FOXP1: variants seen among roughly 807,000 people sequenced by gnomAD.
FOXP1 encodes forkhead box P1, also known as forkhead box protein P1.
In FOXP1, 15 loss-of-function variants were observed where a neutral mutation model predicts 98.2. The ratio of observed to expected loss-of-function variants is 0.15; its 90% CI spans 0.10 to 0.24. The LOEUF is 0.24. FOXP1 is among the 10% of genes least tolerant of loss of function. The probability of loss-of-function intolerance (pLI) is 1.00; values close to 1 mark genes in which losing one functional copy is unlikely to be tolerated. For missense variants in FOXP1, 633 were observed against 848.5 expected (o/e 0.75, Z 3.15); for synonymous variants, 371 against 314.5 (o/e 1.18, Z -1.90).
intron 2 of FOXP1, among the ~76,000 whole-genome samples, chr3:71,539,401 G>A (rs553153249): frequency 1.5e-4 from 22 of 150,504 alleles, no homozygotes; most frequent in African/African-American, 4.9e-4. Flanking sequence ...GATTACAGGC[G>A]TGAGCCGCCG....
intron 3 of FOXP1, among the ~76,000 whole-genome samples, chr3:71,439,845 C>T (rs1048803669): frequency 6.6e-6 from 1 of 151,302 alleles, no homozygotes; most frequent in African/African-American, 2.4e-5. Flanking sequence ...ACTTGGGAGG[C>T]TGAGGCAGGA....
Position 71,000,794 on chromosome 3 carries a change from AAAAAT to A in FOXP1, c.1062+173_1062+177del, listed in dbSNP as rs59993750. ...GGGGCTGAACCTGCCCAAAGAGGTA[AAAAAT>A]AAAATAAAATAAAATAAAATAAAAT... is the stretch of plus-strand genomic sequence containing the variant. On this transcript the variant is annotated intron_variant, in intron 13 of 20. Transcript: ENST00000649528. 0.013 allele frequency among the ~76,000 whole-genome samples: 1,610 copies of A among 122,152 alleles called. 14 individuals carry two copies. The highest frequency in any genetic ancestry group is 0.031 in the African/African-American group (940 of 29,844). The allele number at this position is 122,152 out of a possible 152,430, so 80.1% of individuals were successfully genotyped here.
At chr3:70,982,153 T>G (rs996394243) in intron 14 of FOXP1, among the ~76,000 whole-genome samples, 1 of 152,096 alleles carries the variant, frequency 6.6e-6, no homozygotes, top group African/African-American at 2.4e-5. Flanking sequence ...AAGGCCTCTT[T>G]GAAAAAAGAG....
intron 3 of FOXP1, among the ~76,000 whole-genome samples, chr3:71,415,583 G>A (rs973675956): frequency 3.9e-5 from 6 of 152,100 alleles, no homozygotes; most frequent in East Asian, 3.8e-4. Context: ...TGGCTTTAAC[G>A]GCACAGGACA....
At chr3:71,258,026 C>G (rs1452706575) in intron 5 of FOXP1, among the ~76,000 whole-genome samples, 1 of 152,180 alleles carries the variant, frequency 6.6e-6, no homozygotes, top group Non-Finnish European at 1.5e-5. Flanking sequence ...GTTATTACTG[C>G]GCTTAATAAC....
At chr3:71,119,157 T>C (rs1286478228) in intron 6 of FOXP1, among the ~76,000 whole-genome samples, 1 of 152,226 alleles carries the variant, frequency 6.6e-6, no homozygotes, top group Admixed American at 6.5e-5. Context: ...GAAAAGGAAA[T>C]ACATCCATGT....
chr3:71,032,836 T>C (rs896506985), intron 11 of FOXP1, among the ~76,000 whole-genome samples: 1 of 152,348 alleles, frequency 6.6e-6, no homozygotes, highest in Admixed American at 6.5e-5. Flanking sequence ...AGCTGTCATT[T>C]ATTATAAGAA....
At chr3:71,033,602 C>CAAAAAAAAAAAAAAAA (rs35470748) in intron 11 of FOXP1, among the ~76,000 whole-genome samples, 10 of 70,688 alleles carry the variant, frequency 1.4e-4, no homozygotes, top group Non-Finnish European at 2.2e-4. Flanking sequence ...AGTGAACAGT[C>CAAAAAAAAAAAAAAAA]AAAAAAAAAA....
At chr3:70,972,441 A>C in intron 18 of FOXP1, 114 bp downstream of exon 18, 2 of 1,467,470 alleles carry the variant, frequency 1.4e-6, no homozygotes, top group East Asian at 4.5e-5. Context: ...CCCTTAACTG[A>C]GACAACGTGA....
intron 4 of FOXP1, chr3:71,302,869 C>T (rs899892255): frequency 2.0e-5 from 3 of 152,174 alleles, no homozygotes; most frequent in Non-Finnish European, 4.4e-5. Context: ...GGGTGAGACA[C>T]TAAATGTACA....
chr3:71,254,450 C>A (rs1410377092), intron 5 of FOXP1, among the ~76,000 whole-genome samples: 1 of 152,150 alleles, frequency 6.6e-6, no homozygotes, highest in Non-Finnish European at 1.5e-5. Flanking sequence ...GTTGGCTGGC[C>A]TCAAAGAGCT....
chr3:70,986,861 T>G (rs779596951), intron 14 of FOXP1, among the ~76,000 whole-genome samples: 13 of 152,218 alleles, frequency 8.5e-5, no homozygotes, highest in African/African-American at 2.9e-4. Context: ...GACATTAATT[T>G]TGCCTGCCAA....
chr3:71,519,595 C>T (rs77750756), intron 2 of FOXP1, among the ~76,000 whole-genome samples: 2,042 of 152,316 alleles, frequency 0.013, 17 homozygotes, highest in Middle Eastern at 0.024. Context: ...TCTGGTTCCA[C>T]GCAACAGATC....
intron 11 of FOXP1, among the ~76,000 whole-genome samples, chr3:71,021,218 C>T (rs1006552143): frequency 1.3e-5 from 2 of 152,298 alleles, no homozygotes; most frequent in African/African-American, 2.4e-5. Flanking sequence ...AACTCCCAGC[C>T]CTTGCCAATC....
At chr3:71,112,044 C>T (rs536895965) in intron 7 of FOXP1, among the ~76,000 whole-genome samples, 110 of 146,590 alleles carry the variant, frequency 7.5e-4, no homozygotes, top group Non-Finnish European at 1.3e-3. Flanking sequence ...TGGATGCCAG[C>T]AACACCTCTG....
chr3:71,454,432 C>T (rs1013906227), intron 3 of FOXP1, among the ~76,000 whole-genome samples: 1 of 152,026 alleles, frequency 6.6e-6, no homozygotes, highest in African/African-American at 2.4e-5. Flanking sequence ...GATAGAAAAC[C>T]ACAGAGACAA....
chr3:71,200,565 G>A, intron 5 of FOXP1, among the ~76,000 whole-genome samples: 1 of 152,204 alleles, frequency 6.6e-6, no homozygotes, highest in East Asian at 1.9e-4. Flanking sequence ...CCAGAATTTG[G>A]AAAAGGAAAA....
intron 3 of FOXP1, among the ~76,000 whole-genome samples, chr3:71,369,498 G>T (rs1203127797): frequency 2.0e-5 from 3 of 152,150 alleles, no homozygotes; most frequent in Admixed American, 2.0e-4. Context: ...GGGTTCAAGC[G>T]ATTCTCCTGC....
chr3:71,489,201 A>C (rs1337593088), intron 3 of FOXP1, among the ~76,000 whole-genome samples: 1 of 152,220 alleles, frequency 6.6e-6, no homozygotes, highest in Non-Finnish European at 1.5e-5. Context: ...CCCTTCACCA[A>C]GTCTTCGGTG....
Sources: gnomAD v4.1 joint callset for allele counts (sites outside exome capture counted in the v4.1 genomes callset) on GRCh38, gnomAD v4.1.1 for gene constraint, MANE v1.5 for transcripts, NCBI Gene and HGNC (gene_info 2026-07-23, HGNC 2026-07-21) for gene names.